DIXDC1: variants seen among roughly 807,000 people sequenced by gnomAD.
DIXDC1 encodes DIX domain containing 1.
Under a neutral mutation model 103.1 loss-of-function variants are expected in DIXDC1, and 64 were observed. The observed-to-expected ratio is 0.62, with a 90% CI of 0.51 to 0.76. The LOEUF (loss-of-function observed/expected upper bound fraction) is 0.76. Among genes scored for constraint, DIXDC1 ranks in the 30% least tolerant of loss-of-function variants. The probability of loss-of-function intolerance (pLI) is 0.00; values close to 1 mark genes in which losing one functional copy is unlikely to be tolerated. For synonymous variants in DIXDC1, 266 were observed against 298.5 expected (o/e 0.89, Z 1.12); for missense variants, 759 against 834.2 (o/e 0.91, Z 1.11).
chr11:111,968,278 A>G (rs1555171764), intron 2 of DIXDC1, among the ~76,000 whole-genome samples: 1 of 152,216 alleles, frequency 6.6e-6, no homozygotes. Context: ...TGCTGACTGA[A>G]TAAATGTACA....
At chr11:111,932,412 T>C (rs1966054244), upstream of DIXDC1, among the ~76,000 whole-genome samples, 1 of 151,364 alleles carries the variant, frequency 6.6e-6, no homozygotes. Flanking sequence ...AACCCAGGAA[T>C]AGGTTAAAAA....
intron 10 of DIXDC1, among the ~76,000 whole-genome samples, chr11:111,990,589 A>T (rs1356966862): frequency 6.6e-6 from 1 of 152,152 alleles, no homozygotes; most frequent in Non-Finnish European, 1.5e-5. Flanking sequence ...ATAGTATTCC[A>T]TTGTATTCCA....
chr11:111,967,615 G>C (rs1859781287), intron 2 of DIXDC1, among the ~76,000 whole-genome samples: 1 of 152,014 alleles, frequency 6.6e-6, no homozygotes, highest in African/African-American at 2.4e-5. Context: ...TATTTTTGTA[G>C]AGACGGGGTT....
chr11:111,982,108 T>C, intron 6 of DIXDC1: 1 of 383,948 alleles, frequency 2.6e-6, no homozygotes, highest in Non-Finnish European at 4.7e-6. Context: ...TAATACTTCC[T>C]AAGAGTTTTA....
At chr11:111,945,245 G>C (rs587643124) in intron 1 of DIXDC1, among the ~76,000 whole-genome samples, 1 of 152,324 alleles carries the variant, frequency 6.6e-6, no homozygotes, top group Non-Finnish European at 1.5e-5. Context: ...GGGCAGCATG[G>C]CCTATGGCAA....
Position 112,017,873 on chromosome 11 carries a change from T to C in DIXDC1, c.1959T>C (p.Thr653=), listed in dbSNP as rs782273767. 6.2e-7 allele frequency: 1 copy of C among 1,608,602 alleles called. No homozygotes were observed. The highest frequency in any genetic ancestry group is 1.1e-5 in the South Asian group (1 of 89,866). The change falls in exon 19 of 20, where the codon ACT becomes ACC. Residue 653 remains threonine, a synonymous_variant. Coordinates refer to ENST00000440460, the MANE Select transcript of DIXDC1 (RefSeq NM_001037954.4). This position sits in a 1 kb window ranked among gnomAD's most constrained non-coding sequence, Gnocchi z 4.0. The part of the protein sequence containing the change: ...HFKALDPEFG[T]VKEEIFHDDD... The stretch of plus-strand genomic sequence containing the variant: ...AAGCACTGGATCCTGAGTTTGGCAC[T>C]GTCAAAGAGGAGGTAAAGAATCTGT...
Position 111,985,264 on chromosome 11 carries a change from T to C in DIXDC1, c.951T>C (p.Asp317=). 2 of 1,613,808 alleles carry C rather than the reference T, an allele frequency of 1.2e-6. No individual in the cohort carries two copies. The highest frequency in any genetic ancestry group is 1.7e-6 in the Non-Finnish European group (2 of 1,179,814). ...ALLLNGSLPE[D]EQERPLALCE... ...TGCTCAATGGATCCTTACCTGAAGA[T>C]GAACAGGAGAGGCCCTTGGCCCTCT... Residue 317 remains aspartate, a synonymous_variant, in exon 8 of 20, where the codon GAT becomes GAC. Coordinates refer to ENST00000440460, the MANE Select transcript of DIXDC1 (RefSeq NM_001037954.4).
At chr11:111,941,202 A>C (rs1966405209) in intron 1 of DIXDC1, among the ~76,000 whole-genome samples, 1 of 151,824 alleles carries the variant, frequency 6.6e-6, no homozygotes, top group Admixed American at 6.6e-5. Flanking sequence ...AATCGCTTGA[A>C]CCTGGGAGGT....
chr11:111,986,859 TC>T lies in DIXDC1; in HGVS notation c.1009-11del, dbSNP rs1860508691. On this transcript the variant is annotated splice_polypyrimidine_tract_variant and intron_variant, in intron 8 of 19. Transcript: ENST00000440460. ...ATAGGTGCTTAGCCATCTCTGTTTG[TC>T]TTATATTCAGATTATAATCCAAAGT... is the stretch of plus-strand genomic sequence containing the variant. The T allele has an allele frequency of 6.4e-7, 1 of 1,562,260 alleles. No homozygotes were observed. Among genetic ancestry groups the T allele is most frequent in the South Asian group, 1.2e-5 (1 of 84,876 alleles).
intron 1 of DIXDC1, among the ~76,000 whole-genome samples, chr11:111,945,386 A>G (rs1966558616): frequency 6.6e-6 from 1 of 152,174 alleles, no homozygotes; most frequent in Non-Finnish European, 1.5e-5. Flanking sequence ...TGGCAGACCA[A>G]TCAAGTGTGA....
intron 6 of DIXDC1, 24 bp downstream of exon 6, chr11:111,980,873 G>C (rs1860278332): frequency 2.5e-6 from 4 of 1,596,982 alleles, no homozygotes; most frequent in Non-Finnish European, 2.6e-6. Context: ...GCCTGCCTGG[G>C]CTGGTTCAAG....
At chr11:111,943,015 C>G (rs1467250569) in intron 1 of DIXDC1, among the ~76,000 whole-genome samples, 1 of 152,194 alleles carries the variant, frequency 6.6e-6, no homozygotes, top group Non-Finnish European at 1.5e-5. Context: ...GTAGCACAGA[C>G]AGCTTGAATA....
In DIXDC1 at chr11:111,973,903, C is replaced by T. The variant is rs186975744; in HGVS notation, c.317-120C>T. 7.1e-5 allele frequency: 62 copies of T among 878,048 alleles called. No homozygotes were observed. The Admixed American group carries it at 1.5e-3, about 22-fold the overall frequency. 54.4% of individuals were successfully genotyped at this position (878,048 alleles called of 1,614,324 possible). On this transcript the variant is annotated intron_variant, in intron 3 of 19. Coordinates refer to ENST00000440460, the MANE Select transcript of DIXDC1 (RefSeq NM_001037954.4). ...CCCAGAGCTTTGTGAGGACTGAGAC[C>T]CTGACTGCCTTGCTTACCTGTATCA...
intron 1 of DIXDC1, among the ~76,000 whole-genome samples, chr11:111,938,980 G>A (rs1268279154): frequency 2.6e-5 from 4 of 152,214 alleles, no homozygotes; most frequent in African/African-American, 7.2e-5. Context: ...GAAGAGCCGG[G>A]AAGCCTACCT....
intron 11 of DIXDC1, 126 bp from the exon 12 acceptor site, chr11:111,992,825 T>G: frequency 1.0e-6 from 1 of 972,644 alleles, no homozygotes. Flanking sequence ...CTGTGTATTT[T>G]TACCATCATA....
chr11:111,994,463 A>G (rs1429636490), intron 14 of DIXDC1, among the ~76,000 whole-genome samples: 5 of 151,484 alleles, frequency 3.3e-5, no homozygotes, highest in African/African-American at 1.2e-4. Context: ...ATACACACAT[A>G]TACACATATA....
chr11:111,937,617 T>C, intron 1 of DIXDC1, 58 bp downstream of exon 1: 1 of 1,522,582 alleles, frequency 6.6e-7, no homozygotes, highest in South Asian at 1.2e-5. Flanking sequence ...TCCCGCCCAG[T>C]CTCCGGAAGG....
chr11:112,016,320 C>T (rs1861588227), intron 17 of DIXDC1, among the ~76,000 whole-genome samples: 1 of 152,132 alleles, frequency 6.6e-6, no homozygotes. Context: ...GTATTCTCTA[C>T]TACGGACCTC....
chr11:111,988,508 CATT>C (rs1479367137), intron 9 of DIXDC1, among the ~76,000 whole-genome samples: 1 of 152,116 alleles, frequency 6.6e-6, no homozygotes, highest in Non-Finnish European at 1.5e-5. Context: ...CTCAGTATTT[CATT>C]ATTAGGCTAA....
Sources: allele counts gnomAD v4.1 joint callset (sites outside exome capture counted in the v4.1 genomes callset), GRCh38; gene constraint gnomAD v4.1.1; non-coding constraint Gnocchi (gnomAD v3.1); transcripts MANE v1.5; gene names NCBI Gene and HGNC (gene_info 2026-07-23, HGNC 2026-07-21).